Variants in TNFSF9 observed in about 807,000 individuals in gnomAD.
TNFSF9 encodes the protein tumor necrosis factor ligand superfamily member 9.
A neutral mutation model predicts 10.3 loss-of-function variants in TNFSF9; 10 were observed. The ratio of observed to expected loss-of-function variants is 0.97; its 90% CI spans 0.60 to 1.65. The LOEUF is 1.65. Ranked by LOEUF, TNFSF9 falls within the 40% of genes most tolerant of loss-of-function variation. The pLI is 0.00. For missense variants in TNFSF9, 361 were observed against 348.9 expected (o/e 1.03, Z -0.28); for synonymous variants, 195 against 176.1 (o/e 1.11, Z -0.85).
intron 1 of TNFSF9, among the ~76,000 whole-genome samples, chr19:6,532,266 C>CGTGTGT (rs3043218): frequency 0.029 from 4,022 of 139,848 alleles, 99 homozygotes; most frequent in South Asian, 0.072. Flanking sequence ...CCACCAGCTT[C>CGTGTGT]GTGTGTGTGT....
chr19:6,532,559 G>A (rs1009557374), intron 1 of TNFSF9, among the ~76,000 whole-genome samples: 2 of 151,424 alleles, frequency 1.3e-5, no homozygotes, highest in African/African-American at 2.4e-5. Context: ...GTGTGTCTGT[G>A]TGTTAATGTG....
At position 6,531,159 on chromosome 19, in the gene TNFSF9, C is replaced by G; in HGVS notation, c.123C>G (p.Leu41=). Reference sequence around the variant, plus strand: ...CGGGGCTGCTGCTGCTGCTGCTGCTCGCTGCCGCCTGCGCCGTCTTCCTCG... The same window carrying G: ...CGGGGCTGCTGCTGCTGCTGCTGCTGGCTGCCGCCTGCGCCGTCTTCCTCG... ...LVAGLLLLLL[L]AAACAVFLAC... The change falls in exon 1 of 3, where the codon CTC becomes CTG. Residue 41 remains leucine, a synonymous_variant. Transcript: ENST00000245817. 6.2e-7 allele frequency: 1 copy of G among 1,600,276 alleles called. No homozygotes were observed. Among genetic ancestry groups the G allele is most frequent in the Non-Finnish European group, 8.5e-7 (1 of 1,174,000 alleles).
chr19:6,534,813 G>A lies in TNFSF9; in HGVS notation c.512G>A (p.Arg171His), dbSNP rs1915231862. The change falls in exon 3 of 3, where the codon CGC (arginine) becomes CAC (histidine). Residue 171 changes from arginine (R) to histidine (H), a missense_variant. By Grantham distance (29) the Arg-to-His change is conservative. Coordinates refer to ENST00000245817, the MANE Select transcript of TNFSF9 (RefSeq NM_003811.4). ...VSLALHLQPL[R>H]SAAGAAALAL... is the part of the protein sequence containing the mutation. The stretch of plus-strand genomic sequence containing the variant: ...CTTGCGCTGCACCTGCAGCCACTGC[G>A]CTCTGCTGCTGGGGCCGCCGCCCTG... 1.2e-6 allele frequency: 2 copies of A among 1,603,190 alleles called. No homozygotes were observed. The highest frequency in any genetic ancestry group is 1.3e-5 in the African/African-American group (1 of 74,760).
chr19:6,532,848 C>G, intron 2 of TNFSF9, 32 bp downstream of exon 2: 1 of 1,613,456 alleles, frequency 6.2e-7, no homozygotes, highest in Non-Finnish European at 8.5e-7. Context: ...CGGTCCCTGG[C>G]CCCCCACCAT....
At position 6,535,457 on chromosome 19, in the gene TNFSF9, C is replaced by T. The variant is rs1321531515; in HGVS notation, c.*391C>T. The stretch of plus-strand genomic sequence containing the variant: ...AGCCTCCCAAGCAACTGGGATTCAT[C>T]CTTTCTATTAATTCATTGTACTTAT... On this transcript the variant is annotated 3_prime_UTR_variant, in exon 3 of 3. Coordinates refer to ENST00000245817, the MANE Select transcript of TNFSF9 (RefSeq NM_003811.4). 1 of 151,402 alleles carries T rather than the reference C, an allele frequency of 6.6e-6. No homozygotes were observed. Among genetic ancestry groups the T allele is most frequent in the African/African-American group, 2.4e-5 (1 of 41,162 alleles). 9.4% of individuals were successfully genotyped at this position (151,402 alleles called of 1,614,324 possible). A position where few individuals can be genotyped will look rare whatever the true frequency, so the allele number is the denominator to read the frequency against.
Position 6,531,062 on chromosome 19 carries a change from T to C in TNFSF9, c.26T>C (p.Leu9Pro). 2 of 1,611,212 alleles carry C rather than the reference T, an allele frequency of 1.2e-6. No homozygotes were observed. The highest frequency in any genetic ancestry group is 1.7e-6 in the Non-Finnish European group (2 of 1,179,120). The change falls in exon 1 of 3, where the codon CTG (leucine) becomes CCG (proline). Residue 9 changes from leucine to proline, a missense_variant. Leu to Pro is a moderately conservative substitution (Grantham distance 98). Transcript: ENST00000245817. MEYASDAS[L>P]DPEAPWPPAP... ...ATGGAATACGCCTCTGACGCTTCAC[T>C]GGACCCCGAAGCCCCGTGGCCTCCC... is the stretch of plus-strand genomic sequence containing the variant.
chr19:6,531,297 G>T lies in TNFSF9; in HGVS notation c.261G>T (p.Leu87=). Residue 87 remains leucine (L), a synonymous_variant, in exon 1 of 3, where the codon CTG becomes CTT. Coordinates refer to ENST00000245817, the MANE Select transcript of TNFSF9 (RefSeq NM_003811.4). ...ACGATCCCGCCGGCCTCTTGGACCT[G>T]CGGCAGGTGAGACGTGCCCCGACCC... The part of the protein sequence containing the change: ...SPDDPAGLLD[L]RQGMFAQLVA... 6.7e-7 allele frequency: 1 copy of T among 1,493,694 alleles called. No homozygotes were observed. 92.5% of individuals were successfully genotyped at this position (1,493,694 alleles called of 1,614,324 possible).
Position 6,535,206 on chromosome 19 carries a change from G to C in TNFSF9, c.*140G>C. On this transcript the variant is annotated 3_prime_UTR_variant, in exon 3 of 3. Transcript: ENST00000245817. ...GTCCCTGCTGCTGACCTCCCCTTGA[G>C]GACCCTCCTCACCCACTCCTTCCCC... The C allele has an allele frequency of 1.2e-6, 1 of 863,396 alleles. No individual in the cohort carries two copies. The highest frequency in any genetic ancestry group is 1.7e-6 in the Non-Finnish European group (1 of 598,612). 53.5% of individuals were successfully genotyped at this position (863,396 alleles called of 1,614,324 possible).
intron 2 of TNFSF9, among the ~76,000 whole-genome samples, chr19:6,534,085 C>A (rs1334211683): frequency 7.1e-6 from 1 of 139,880 alleles, no homozygotes; most frequent in African/African-American, 2.7e-5. Context: ...TCTCCTCCCC[C>A]CATCTCCATC....
intron 2 of TNFSF9, among the ~76,000 whole-genome samples, chr19:6,533,435 C>A (rs1915192350): frequency 9.2e-6 from 1 of 108,740 alleles, no homozygotes; most frequent in Non-Finnish European, 2.0e-5. Flanking sequence ...CAGAGACCCC[C>A]TTCCCCCTTC....
Position 6,531,319 on chromosome 19 carries a change from A to AC in TNFSF9, c.267+19dup. ...CCTGCGGCAGGTGAGACGTGCCCCG[A>AC]CCCTCGGTAGCTGGTCTCGCGGGAG... On this transcript the variant is annotated intron_variant, in intron 1 of 2. Coordinates refer to ENST00000245817, the MANE Select transcript of TNFSF9 (RefSeq NM_003811.4). 6.8e-7 allele frequency: 1 copy of AC among 1,459,952 alleles called. No individual in the cohort carries two copies. Among genetic ancestry groups the AC allele is most frequent in the Admixed American group, 2.6e-5 (1 of 37,740 alleles). 90.4% of individuals were successfully genotyped at this position (1,459,952 alleles called of 1,614,324 possible). A position where few individuals can be genotyped will look rare whatever the true frequency, so the allele number is the denominator to read the frequency against.
At chr19:6,532,669 G>C in intron 1 of TNFSF9, 117 bp from the exon 2 acceptor site, 1 of 1,387,964 alleles carries the variant, frequency 7.2e-7, no homozygotes, top group Non-Finnish European at 1.0e-6. Flanking sequence ...GGGAAGGGAA[G>C]CGTAGGCTTC....
intron 1 of TNFSF9, among the ~76,000 whole-genome samples, chr19:6,532,585 G>T (rs1201474781): frequency 6.6e-6 from 1 of 151,402 alleles, no homozygotes; most frequent in Non-Finnish European, 1.5e-5. Context: ...TCGTGTGTGT[G>T]TTCGTTTGTG....
Position 6,531,085 on chromosome 19 carries a change from C to A in TNFSF9, c.49C>A (p.Pro17Thr), listed in dbSNP as rs442511. The stretch of plus-strand genomic sequence containing the variant: ...ACTGGACCCCGAAGCCCCGTGGCCT[C>A]CCGCGCCCCGCGCTCGCGCCTGCCG... ...ASLDPEAPWP[P>T]APRARACRVL... Residue 17 changes from proline to threonine, a missense_variant, in exon 1 of 3, where the codon CCC becomes ACC. Transcript: ENST00000245817. The A allele has an allele frequency of 6.2e-7, 1 of 1,610,914 alleles. No homozygotes were observed. Among genetic ancestry groups the A allele is most frequent in the Non-Finnish European group, 8.5e-7 (1 of 1,179,056 alleles).
rs1173785018 is a variant in TNFSF9 at position 6,532,671 on chromosome 19, G to C, written c.268-115G>C. ...TCTTTAGTTGGGAGGGAAGGGAAGC[G>C]TAGGCTTCAGGTCGGCACAGACTCT... On this transcript the variant is annotated intron_variant, in intron 1 of 2. Coordinates refer to ENST00000245817, the MANE Select transcript of TNFSF9 (RefSeq NM_003811.4). The C allele has an allele frequency of 1.3e-5, 18 of 1,405,840 alleles. No homozygotes were observed. The East Asian group carries it at 3.7e-4, about 29-fold the overall frequency. The allele number at this position is 1,405,840 out of a possible 1,614,324, so 87.1% of individuals were successfully genotyped here.
chr19:6,531,126 C>G lies in TNFSF9; in HGVS notation c.90C>G (p.Ala30=). ...GCGCCTGCCGCGTACTGCCTTGGGCCCTGGTCGCGGGGCTGCTGCTGCTGC... is the reference window on the plus strand; with the variant it reads ...GCGCCTGCCGCGTACTGCCTTGGGCGCTGGTCGCGGGGCTGCTGCTGCTGC... ...RARACRVLPW[A]LVAGLLLLLL... The change falls in exon 1 of 3, where the codon GCC becomes GCG. Residue 30 remains alanine, a synonymous_variant. Coordinates refer to ENST00000245817, the MANE Select transcript of TNFSF9 (RefSeq NM_003811.4). 6.2e-7 allele frequency: 1 copy of G among 1,608,584 alleles called. No homozygotes were observed.
intron 1 of TNFSF9, 110 bp from the exon 2 acceptor site, chr19:6,532,676 C>CT: frequency 1.4e-6 from 2 of 1,471,740 alleles, no homozygotes; most frequent in Admixed American, 3.4e-5. Flanking sequence ...GAAGCGTAGG[C>CT]TTCAGGTCGG....
At chr19:6,532,656 G>T in intron 1 of TNFSF9, 130 bp from the exon 2 acceptor site, 1 of 1,218,020 alleles carries the variant, frequency 8.2e-7, no homozygotes, top group Non-Finnish European at 1.2e-6. Context: ...TCTTTAGTTG[G>T]GAGGGAAGGG....
intron 2 of TNFSF9, 141 bp from the exon 3 acceptor site, chr19:6,534,456 CGCT>C: frequency 1.5e-6 from 1 of 665,276 alleles, no homozygotes; most frequent in Non-Finnish European, 2.5e-6. Context: ...TCCCCTGTCC[CGCT>C]CCCTGCCCCG....
Sources: allele counts gnomAD v4.1 joint callset (sites outside exome capture counted in the v4.1 genomes callset), GRCh38; gene constraint gnomAD v4.1.1; transcripts MANE v1.5; gene names NCBI Gene and HGNC (gene_info 2026-07-23, HGNC 2026-07-21).